CNTN1: variants seen among roughly 807,000 people sequenced by gnomAD.
CNTN1 encodes the protein contactin-1.
Under a neutral mutation model 126.4 loss-of-function variants are expected in CNTN1, and 38 were observed. The observed-to-expected ratio is 0.30, with a 90% CI of 0.23 to 0.39. CNTN1 has a LOEUF of 0.39. Ranked by LOEUF, CNTN1 falls within the 10% of genes least tolerant of loss-of-function variation. The pLI is 1.00. For synonymous variants in CNTN1, 413 were observed against 422.6 expected, an observed-to-expected ratio of 0.98 and a Z score of 0.28; for missense variants, 1,009 against 1,248.4, an observed-to-expected ratio of 0.81 and a Z score of 2.89.
At chr12:40,921,878 C>A (rs1026483935) in intron 4 of CNTN1, among the ~76,000 whole-genome samples, 1 of 152,072 alleles carries the variant, frequency 6.6e-6, no homozygotes, top group Non-Finnish European at 1.5e-5. Flanking sequence ...TATGGTAGAA[C>A]AATGCTTTTA....
intron 1 of CNTN1, among the ~76,000 whole-genome samples, chr12:40,877,237 T>C (rs2136686246): frequency 6.6e-6 from 1 of 152,276 alleles, no homozygotes; most frequent in African/African-American, 2.4e-5. Context: ...CACAGAAAAG[T>C]TTGAAGTTAA....
chr12:40,856,150 A>T (rs1942898411), intron 1 of CNTN1, among the ~76,000 whole-genome samples: 1 of 152,146 alleles, frequency 6.6e-6, no homozygotes. Context: ...AGCTGAAGAT[A>T]AATGTATCTT....
intron 4 of CNTN1, among the ~76,000 whole-genome samples, chr12:40,922,033 C>T (rs138696280): frequency 2.2e-3 from 342 of 152,206 alleles, no homozygotes; most frequent in African/African-American, 7.7e-3. Context: ...AGACAAAATA[C>T]GTCATGTACT....
chr12:40,738,339 A>G (rs1937784657), intron 1 of CNTN1, among the ~76,000 whole-genome samples: 1 of 152,052 alleles, frequency 6.6e-6, no homozygotes, highest in Non-Finnish European at 1.5e-5. Flanking sequence ...ATGGGGCAGA[A>G]ATTTTTACTT....
At chr12:40,695,990 T>A (rs980259808) in intron 1 of CNTN1, among the ~76,000 whole-genome samples, 1 of 152,216 alleles carries the variant, frequency 6.6e-6, no homozygotes, top group Non-Finnish European at 1.5e-5. Flanking sequence ...TATTTATGTA[T>A]CATGATGCAG....
intron 1 of CNTN1, among the ~76,000 whole-genome samples, chr12:40,867,271 C>T (rs1943328799): frequency 6.6e-6 from 1 of 152,132 alleles, no homozygotes; most frequent in African/African-American, 2.4e-5. Flanking sequence ...CCATCTGCAT[C>T]CATACATGCC....
intron 23 of CNTN1, among the ~76,000 whole-genome samples, chr12:41,054,946 C>T (rs1011564648): frequency 6.6e-6 from 1 of 152,108 alleles, no homozygotes; most frequent in Non-Finnish European, 1.5e-5. Flanking sequence ...CGAAATCCAA[C>T]ATTGCAAGTT....
chr12:41,038,146 A>G (rs551915311), intron 23 of CNTN1, among the ~76,000 whole-genome samples: 1 of 152,208 alleles, frequency 6.6e-6, no homozygotes, highest in Non-Finnish European at 1.5e-5. Flanking sequence ...ACAGAGTGAG[A>G]GTCCATCTCA....
rs990024818 is a variant in CNTN1 at position 40,962,657 on chromosome 12, A to G, written c.1804+3423A>G. Among the ~76,000 whole-genome samples the G allele has an allele frequency of 2.6e-5, 4 of 152,124 alleles. No homozygotes were observed. In the East Asian group the frequency reaches 5.8e-4, roughly 22 times the overall value. ...CCGATAATAAGATATGAACTATTGT[A>G]ATTCTGTAAAAGCATAAATGTGTAC... On this transcript the variant is annotated intron_variant, in intron 15 of 23. Coordinates refer to ENST00000551295, the MANE Select transcript of CNTN1 (RefSeq NM_001843.4).
chr12:41,001,079 T>G (rs1948349719), intron 17 of CNTN1, among the ~76,000 whole-genome samples: 1 of 152,212 alleles, frequency 6.6e-6, no homozygotes. Flanking sequence ...TTGTGAATAG[T>G]GCTGCAATGA....
At chr12:41,002,588 T>C (rs11179419) in intron 17 of CNTN1, among the ~76,000 whole-genome samples, 14,667 of 148,276 alleles carry the variant, frequency 0.099, 831 homozygotes, top group Non-Finnish European at 0.13. Flanking sequence ...GATGGAGTCT[T>C]GCTCTGTTGC....
Position 41,025,220 on chromosome 12 carries a change from C to T in CNTN1, c.2594C>T (p.Ser865Leu), listed in dbSNP as rs761108267. 9.3e-6 allele frequency: 15 copies of T among 1,613,828 alleles called. No homozygotes were observed. The Admixed American group carries it at 1.2e-4, about 13-fold the overall frequency. ...GTTCAAGTCACCAGCCAAGAGTACTCGGCCAGGCTCGAGAACCTTCTGCCA... is the reference window on the plus strand; with the variant it reads ...GTTCAAGTCACCAGCCAAGAGTACTTGGCCAGGCTCGAGAACCTTCTGCCA... The part of the protein sequence containing the change: ...NRVQVTSQEY[S>L]ARLENLLPDT... Residue 865 changes from serine to leucine, a missense_variant, in exon 21 of 24, where the codon TCG becomes TTG. Coordinates refer to ENST00000551295, the MANE Select transcript of CNTN1 (RefSeq NM_001843.4).
chr12:40,836,653 A>G (rs976973269), intron 1 of CNTN1, among the ~76,000 whole-genome samples: 3 of 152,226 alleles, frequency 2.0e-5, no homozygotes, highest in African/African-American at 7.2e-5. Context: ...GAAGAAATCA[A>G]AGGATACATA....
intron 20 of CNTN1, among the ~76,000 whole-genome samples, chr12:41,023,522 A>G (rs777787849): frequency 3.2e-4 from 49 of 152,266 alleles, no homozygotes; most frequent in Non-Finnish European, 6.0e-4. Context: ...GCTCTTGCCC[A>G]GGAATCCACA....
At chr12:40,761,181 T>C (rs1460004684) in intron 1 of CNTN1, among the ~76,000 whole-genome samples, 1 of 152,024 alleles carries the variant, frequency 6.6e-6, no homozygotes, top group African/African-American at 2.4e-5. Context: ...TACTATGGAG[T>C]TGTCAACAGA....
intron 1 of CNTN1, among the ~76,000 whole-genome samples, chr12:40,730,495 A>G (rs1316902771): frequency 6.6e-6 from 1 of 152,182 alleles, no homozygotes; most frequent in Non-Finnish European, 1.5e-5. Flanking sequence ...TGTCCATGGT[A>G]TCCTGAAAAC....
chr12:40,965,221 A>G (rs889183756), intron 15 of CNTN1, among the ~76,000 whole-genome samples: 3 of 152,170 alleles, frequency 2.0e-5, no homozygotes, highest in African/African-American at 2.4e-5. Flanking sequence ...CCTATGGGTT[A>G]TCTAGAAAGT....
chr12:40,776,803 C>T (rs1030784192), intron 1 of CNTN1, among the ~76,000 whole-genome samples: 6 of 151,706 alleles, frequency 4.0e-5, no homozygotes, highest in African/African-American at 1.5e-4. Context: ...TTTTCTAGAA[C>T]TCTATCAAGT....
intron 23 of CNTN1, among the ~76,000 whole-genome samples, chr12:41,056,329 C>T (rs1356918737): frequency 6.6e-6 from 1 of 152,064 alleles, no homozygotes; most frequent in Non-Finnish European, 1.5e-5. Context: ...TGTAACTTGT[C>T]CAAAGTCCTA....
Sources: allele counts gnomAD v4.1 joint callset (sites outside exome capture counted in the v4.1 genomes callset), GRCh38; gene constraint gnomAD v4.1.1; transcripts MANE v1.5; gene names NCBI Gene and HGNC (gene_info 2026-07-23, HGNC 2026-07-21).